Variants in IL1RAPL2 observed in about 807,000 individuals in gnomAD.
IL1RAPL2 encodes the protein X-linked interleukin-1 receptor accessory protein-like 2.
Under a neutral mutation model 44.1 loss-of-function variants are expected in IL1RAPL2, and 3 were observed. The observed-to-expected ratio is 0.07, with a 90% CI of 0.03 to 0.18. The LOEUF (loss-of-function observed/expected upper bound fraction) is 0.18, where lower values mean the gene tolerates loss of function less well. Ranked by LOEUF, IL1RAPL2 falls within the 10% of genes least tolerant of loss-of-function variation. IL1RAPL2 has a pLI of 1.00. For missense variants in IL1RAPL2, 391 were observed against 496.4 expected (o/e 0.79, Z 2.02); for synonymous variants, 181 against 178.8 (o/e 1.01, Z -0.10).
intron 2 of IL1RAPL2, among the ~76,000 whole-genome samples, chrX:104,748,165 G>T (rs1305398455): frequency 9.0e-6 from 1 of 111,531 alleles, no homozygotes; most frequent in Non-Finnish European, 1.9e-5. Context: ...ATAGGACAAA[G>T]AGGTACATGT....
At chrX:105,057,319 T>C (rs1338780692) in intron 2 of IL1RAPL2, among the ~76,000 whole-genome samples, 1 of 111,781 alleles carries the variant, frequency 8.9e-6, no homozygotes, top group Non-Finnish European at 1.9e-5. Context: ...ATGTAACTGC[T>C]TGGATTTTAT....
chrX:104,943,521 ATCT>A lies in IL1RAPL2; in HGVS notation c.83-251949_83-251947del, dbSNP rs1314377856. ...TGAAATCTTTGAGTCACCTTGATTA[ATCT>A]TCTTTCATATTTCAGGCATGCTAAC... On this transcript the variant is annotated intron_variant, in intron 2 of 10. Transcript: ENST00000372582. Among the ~76,000 whole-genome samples, 18 of 111,308 alleles carry A rather than the reference ATCT, an allele frequency of 1.6e-4. 1 individual carries two copies. The highest frequency in any genetic ancestry group is 1.1e-3 in the East Asian group (4 of 3,520).
intron 4 of IL1RAPL2, among the ~76,000 whole-genome samples, chrX:105,246,085 A>G (rs1470169229): frequency 5.4e-5 from 6 of 112,108 alleles, no homozygotes; most frequent in Admixed American, 3.8e-4. Context: ...CTCTTTTCTC[A>G]TGAAGGGAGA....
rs1928682349 is a variant in IL1RAPL2 at position 104,592,186 on chromosome X, TG to T, written c.-20+25136del. The stretch of plus-strand genomic sequence containing the variant: ...GTGTGTGTGTGTGTGTGTGTGTGTG[TG>T]TGTGTGTTATTGGAGGTAATGAAGT... On this transcript the variant is annotated intron_variant, in intron 1 of 10. Transcript: ENST00000372582. Among the ~76,000 whole-genome samples the T allele has an allele frequency of 3.8e-5, 4 of 105,553 alleles. No individual in the cohort carries two copies. The South Asian group carries it at 1.8e-3, about 47-fold the overall frequency. The allele number at this position is 105,553 out of a possible 115,157, so 91.7% of individuals were successfully genotyped here.
intron 6 of IL1RAPL2, among the ~76,000 whole-genome samples, chrX:105,556,300 A>G (rs772363613): frequency 8.9e-6 from 1 of 111,780 alleles, no homozygotes; most frequent in South Asian, 3.7e-4. Flanking sequence ...TGACTTATTT[A>G]CCCACAACTA....
At chrX:105,044,395 T>C (rs1178639705) in intron 2 of IL1RAPL2, among the ~76,000 whole-genome samples, 1 of 110,009 alleles carries the variant, frequency 9.1e-6, no homozygotes, top group Admixed American at 9.8e-5. Context: ...ATTAAAGGAA[T>C]AAAAAGGGTA....
intron 5 of IL1RAPL2, among the ~76,000 whole-genome samples, chrX:105,355,619 C>G (rs2035196220): frequency 9.0e-6 from 1 of 111,623 alleles, no homozygotes; most frequent in Non-Finnish European, 1.9e-5. Context: ...TGCATTCAAA[C>G]TGTCAGCTCT....
chrX:104,657,048 T>G (rs916365744), intron 1 of IL1RAPL2, among the ~76,000 whole-genome samples: 5 of 111,251 alleles, frequency 4.5e-5, no homozygotes, highest in African/African-American at 1.6e-4. Context: ...CCTCCATCCC[T>G]TTATTTTGAG....
chrX:105,391,224 A>G (rs1488355134), intron 5 of IL1RAPL2, among the ~76,000 whole-genome samples: 1 of 111,892 alleles, frequency 8.9e-6, no homozygotes, highest in African/African-American at 3.2e-5. Context: ...AATGATATCT[A>G]AGGAATCGCA....
chrX:105,118,694 C>T (rs1423849512), intron 2 of IL1RAPL2, among the ~76,000 whole-genome samples: 3 of 112,232 alleles, frequency 2.7e-5, no homozygotes, highest in Non-Finnish European at 5.6e-5. Flanking sequence ...TATTGCTTTT[C>T]ATTTCTCCAG....
chrX:104,941,256 T>G (rs1053378338), intron 2 of IL1RAPL2, among the ~76,000 whole-genome samples: 29 of 111,453 alleles, frequency 2.6e-4, no homozygotes, highest in African/African-American at 7.8e-4. Context: ...TTTCTAGTTC[T>G]AGATCCTTGG....
chrX:105,498,157 A>G (rs1201128284), intron 6 of IL1RAPL2, among the ~76,000 whole-genome samples: 1 of 112,195 alleles, frequency 8.9e-6, no homozygotes, highest in African/African-American at 3.2e-5. Flanking sequence ...AGAAAAACCT[A>G]CCAATTCCAC....
intron 2 of IL1RAPL2, among the ~76,000 whole-genome samples, chrX:105,134,707 C>A (rs991141826): frequency 9.0e-6 from 1 of 111,520 alleles, no homozygotes; most frequent in Non-Finnish European, 1.9e-5. Context: ...AAAGTCTATA[C>A]AATGAATTCT....
intron 1 of IL1RAPL2, among the ~76,000 whole-genome samples, chrX:104,597,170 C>G (rs1229846145): frequency 9.2e-6 from 1 of 109,175 alleles, no homozygotes; most frequent in East Asian, 2.9e-4. Flanking sequence ...ACAGTGAAAC[C>G]CCATCTCTAC....
At chrX:105,120,747 A>T (rs752971031) in intron 2 of IL1RAPL2, among the ~76,000 whole-genome samples, 10 of 112,083 alleles carry the variant, frequency 8.9e-5, no homozygotes, top group Non-Finnish European at 1.5e-4. Flanking sequence ...TTTTCCAGTG[A>T]TGCATACCGT....
chrX:105,460,997 CATGAGCT>C (rs1025458132), intron 5 of IL1RAPL2, among the ~76,000 whole-genome samples: 2 of 111,970 alleles, frequency 1.8e-5, no homozygotes, highest in African/African-American at 6.5e-5. Flanking sequence ...GTCAGACAGA[CATGAGCT>C]TAAGTCTATT....
At chrX:104,966,061 A>G (rs1249782009) in intron 2 of IL1RAPL2, among the ~76,000 whole-genome samples, 1 of 111,478 alleles carries the variant, frequency 9.0e-6, no homozygotes, top group Admixed American at 9.6e-5. Context: ...CATAATGTAT[A>G]TAATGCAGGA....
chrX:104,778,971 G>C (rs1932756367), intron 2 of IL1RAPL2, among the ~76,000 whole-genome samples: 2 of 110,774 alleles, frequency 1.8e-5, no homozygotes, highest in Non-Finnish European at 3.8e-5. Flanking sequence ...GGATGCCAGG[G>C]AGTGTCCCTA....
chrX:105,295,557 T>G (rs2147671486), intron 5 of IL1RAPL2, among the ~76,000 whole-genome samples: 1 of 111,735 alleles, frequency 8.9e-6, no homozygotes, highest in Non-Finnish European at 1.9e-5. Flanking sequence ...ATTAGTAGGT[T>G]ATAAATCAGT....
Sources: gnomAD v4.1 joint callset for allele counts (sites outside exome capture counted in the v4.1 genomes callset) on GRCh38, gnomAD v4.1.1 for gene constraint, MANE v1.5 for transcripts, NCBI Gene and HGNC (gene_info 2026-07-23, HGNC 2026-07-21) for gene names.